The following RBFOX1 variants were observed in gnomAD, a reference collection of about 807,000 sequenced individuals.
RBFOX1 encodes the protein RNA binding protein fox-1 homolog 1.
RBFOX1 carries 8 observed loss-of-function variants against 57.7 expected under a neutral mutation model. The observed-to-expected ratio is 0.14, with a 90% CI of 0.08 to 0.25. The LOEUF (loss-of-function observed/expected upper bound fraction) is 0.25, where lower values mean the gene tolerates loss of function less well. RBFOX1 is among the 10% of genes least tolerant of loss of function. RBFOX1 has a pLI of 1.00. For missense variants in RBFOX1, 611 were observed against 548.5 expected, an observed-to-expected ratio of 1.11 and a Z score of -1.14; for synonymous variants, 326 against 222.4, an observed-to-expected ratio of 1.47 and a Z score of -4.15.
At chr16:6,613,257 C>G (rs1482026476) in intron 2 of RBFOX1, among the ~76,000 whole-genome samples, 3 of 152,040 alleles carry the variant, frequency 2.0e-5, no homozygotes, top group Non-Finnish European at 1.5e-5. Flanking sequence ...TGGCTGTCAT[C>G]TTTGCTAAAG....
At chr16:7,001,450 A>G (rs968228333) in intron 3 of RBFOX1, among the ~76,000 whole-genome samples, 2 of 144,064 alleles carry the variant, frequency 1.4e-5, no homozygotes, top group African/African-American at 2.7e-5. Context: ...ATGTATATGT[A>G]TATGTATACG....
At chr16:5,321,079 A>T (rs1472706670) in intron 1 of RBFOX1, among the ~76,000 whole-genome samples, 1 of 152,178 alleles carries the variant, frequency 6.6e-6, no homozygotes, top group African/African-American at 2.4e-5. Flanking sequence ...TTTGCATCCA[A>T]GCACTGGAGA....
intron 3 of RBFOX1, among the ~76,000 whole-genome samples, chr16:6,826,049 C>T (rs181643357): frequency 1.9e-4 from 29 of 152,062 alleles, no homozygotes; most frequent in African/African-American, 6.0e-4. Flanking sequence ...AGGTGGTCCA[C>T]GTTCATTGCC....
chr16:6,844,358 C>G (rs2093648548), intron 3 of RBFOX1, among the ~76,000 whole-genome samples: 1 of 152,212 alleles, frequency 6.6e-6, no homozygotes, highest in African/African-American at 2.4e-5. Flanking sequence ...TTTCCTTCCC[C>G]TCAGCAGATC....
rs1342767744 is a variant in RBFOX1 at position 7,054,215 on chromosome 16, G to GT, written c.27+2117_27+2118insT. ...CTTATTAAGGTGATTTTTTTTTTCGGGGGGGGGGGGCGGGGAGCTTTTTTT... is the reference window on the plus strand; with the variant it reads ...CTTATTAAGGTGATTTTTTTTTTCGGTGGGGGGGGGGCGGGGAGCTTTTTTT... On this transcript the variant is annotated intron_variant, in intron 4 of 15. Transcript: ENST00000550418. Among the ~76,000 whole-genome samples the GT allele has an allele frequency of 8.5e-3, 275 of 32,544 alleles. 7 individuals carry two copies. The highest frequency in any genetic ancestry group is 0.016 in the African/African-American group (264 of 16,252). The allele number at this position is 32,544 out of a possible 152,430, so 21.4% of individuals were successfully genotyped here.
At chr16:6,291,652 T>C (rs1339468855) in intron 1 of RBFOX1, among the ~76,000 whole-genome samples, 2 of 152,234 alleles carry the variant, frequency 1.3e-5, no homozygotes, top group African/African-American at 4.8e-5. Flanking sequence ...TTTGCCGTAT[T>C]GTCTACATTA....
intron 3 of RBFOX1, among the ~76,000 whole-genome samples, chr16:6,690,732 TTCGGTTTGG>T (rs2060086618): frequency 6.8e-6 from 1 of 146,982 alleles, no homozygotes; most frequent in African/African-American, 2.5e-5. Context: ...ATATTTCAAG[TTCGGTTTGG>T]TTTCTTTTCT....
intron 3 of RBFOX1, among the ~76,000 whole-genome samples, chr16:5,824,774 G>T (rs1174013385): frequency 6.6e-6 from 1 of 152,186 alleles, no homozygotes; most frequent in South Asian, 2.1e-4. Context: ...GAGCCCAGTG[G>T]CTTCAGAGGT....
At chr16:5,452,118 T>C (rs796446319) in intron 1 of RBFOX1, among the ~76,000 whole-genome samples, 705 of 36,828 alleles carry the variant, frequency 0.019, 5 homozygotes, top group African/African-American at 0.12. Context: ...CTCTCTCTCT[T>C]TTTTTTTTTT....
chr16:5,890,107 C>G (rs144380844), intron 4 of RBFOX1, among the ~76,000 whole-genome samples: 36 of 152,268 alleles, frequency 2.4e-4, no homozygotes, highest in African/African-American at 8.4e-4. Context: ...AAACTGTACT[C>G]TTTGCTTGGT....
intron 1 of RBFOX1, among the ~76,000 whole-genome samples, chr16:6,179,698 T>C (rs1208313994): frequency 1.3e-5 from 2 of 152,206 alleles, no homozygotes; most frequent in Non-Finnish European, 2.9e-5. Context: ...CTATTATTAT[T>C]GTTGTTATTG....
intron 4 of RBFOX1, among the ~76,000 whole-genome samples, chr16:7,241,389 G>C (rs1033920610): frequency 6.6e-6 from 1 of 152,150 alleles, no homozygotes; most frequent in African/African-American, 2.4e-5. Context: ...TGTAGGATTA[G>C]GGGATTTGCA....
chr16:7,672,759 C>T (rs1241997906), intron 13 of RBFOX1, among the ~76,000 whole-genome samples: 2 of 149,558 alleles, frequency 1.3e-5, no homozygotes, highest in South Asian at 2.1e-4. Flanking sequence ...CCCAGCTACT[C>T]GGGAGGCTGA....
chr16:7,034,272 G>A (rs1186338480), intron 3 of RBFOX1, among the ~76,000 whole-genome samples: 1 of 152,178 alleles, frequency 6.6e-6, no homozygotes, highest in African/African-American at 2.4e-5. Context: ...TAATGATAAT[G>A]ACAGTATCTA....
At chr16:5,989,413 G>A (rs1423653054) in intron 4 of RBFOX1, among the ~76,000 whole-genome samples, 1 of 152,066 alleles carries the variant, frequency 6.6e-6, no homozygotes, top group Non-Finnish European at 1.5e-5. Flanking sequence ...AAATATGCAG[G>A]AAGAACTTAG....
chr16:6,149,892 GT>G (rs2096785704), intron 1 of RBFOX1, among the ~76,000 whole-genome samples: 1 of 152,184 alleles, frequency 6.6e-6, no homozygotes, highest in African/African-American at 2.4e-5. Context: ...ATACAAATAA[GT>G]CCTGATTATG....
intron 10 of RBFOX1, among the ~76,000 whole-genome samples, chr16:7,609,434 C>T (rs754724107): frequency 3.3e-5 from 5 of 152,130 alleles, no homozygotes; most frequent in African/African-American, 4.8e-5. Context: ...ATGAGAGAAA[C>T]AGTTAAGACT....
At chr16:6,060,164 T>A (rs1393472297) in intron 1 of RBFOX1, among the ~76,000 whole-genome samples, 3 of 135,986 alleles carry the variant, frequency 2.2e-5, no homozygotes, top group Non-Finnish European at 3.1e-5. Flanking sequence ...TTTTTACGTA[T>A]AACAAGAATG....
At chr16:7,517,929 C>T (rs957849925) in intron 4 of RBFOX1, among the ~76,000 whole-genome samples, 2 of 151,742 alleles carry the variant, frequency 1.3e-5, no homozygotes, top group Admixed American at 1.3e-4. Context: ...TTCCAAGCCT[C>T]GGTTTCTGCA....
Sources: gnomAD v4.1 joint callset for allele counts (sites outside exome capture counted in the v4.1 genomes callset) on GRCh38, gnomAD v4.1.1 for gene constraint, MANE v1.5 for transcripts, NCBI Gene and HGNC (gene_info 2026-07-23, HGNC 2026-07-21) for gene names.